The following XPO6 variants were observed in gnomAD, a reference collection of about 807,000 sequenced individuals.
XPO6 encodes the protein exportin-6.
XPO6 carries 3 observed loss-of-function variants against 130.0 expected under a neutral mutation model. That is an observed-to-expected ratio of 0.02 (90% CI 0.01 to 0.06). XPO6 has a LOEUF of 0.06. XPO6 is among the 10% of genes least tolerant of loss of function. The probability of loss-of-function intolerance (pLI) is 1.00; values close to 1 mark genes in which losing one functional copy is unlikely to be tolerated. For synonymous variants in XPO6, 524 were observed against 548.9 expected (o/e 0.95, Z 0.63); for missense variants, 970 against 1,393.0 (o/e 0.70, Z 4.83).
chr16:28,143,705 T>C (rs2042935191), intron 9 of XPO6, among the ~76,000 whole-genome samples: 1 of 152,158 alleles, frequency 6.6e-6, no homozygotes, highest in African/African-American at 2.4e-5. Flanking sequence ...GGTATGATCT[T>C]GGCTCACTGC....
intron 14 of XPO6, among the ~76,000 whole-genome samples, chr16:28,119,764 A>C (rs2087179550): frequency 6.6e-6 from 1 of 152,222 alleles, no homozygotes; most frequent in African/African-American, 2.4e-5. Context: ...AGGGTTGATA[A>C]TGATATCATA....
Position 28,186,374 on chromosome 16 carries a change from C to CTTTTTTTTTTTTTTTTTTTTTTT in XPO6, c.4-5344_4-5343insAAAAAAAAAAAAAAAAAAAAAAA, listed in dbSNP as rs60754642. 3.2e-3 allele frequency among the ~76,000 whole-genome samples: 263 copies of CTTTTTTTTTTTTTTTTTTTTTTT among 81,418 alleles called. 64 individuals carry two copies. Among genetic ancestry groups the CTTTTTTTTTTTTTTTTTTTTTTT allele is most frequent in the African/African-American group, 0.011 (165 of 15,254 alleles). The allele number at this position is 81,418 out of a possible 152,430, so 53.4% of individuals were successfully genotyped here. A position where few individuals can be genotyped will look rare whatever the true frequency, so the allele number is the denominator to read the frequency against. On this transcript the variant is annotated intron_variant, in intron 1 of 23. Coordinates refer to ENST00000304658, the MANE Select transcript of XPO6 (RefSeq NM_015171.4). ...TATAGATTTTTCTGCCCCAGTTATTCTTTTTTTTTTTTTTTTTGCTAAAGA... is the reference window on the plus strand; with the variant it reads ...TATAGATTTTTCTGCCCCAGTTATTCTTTTTTTTTTTTTTTTTTTTTTTTTTTTTTTTTTTTTTTTGCTAAAGA...
At chr16:28,179,959 A>G (rs187934562) in intron 2 of XPO6, among the ~76,000 whole-genome samples, 1 of 152,384 alleles carries the variant, frequency 6.6e-6, no homozygotes, top group Admixed American at 6.5e-5. Context: ...CGTTTAATTC[A>G]TGAAATAGAA....
At chr16:28,146,365 C>A in intron 8 of XPO6, 162 bp from the exon 9 acceptor site, 2 of 605,900 alleles carry the variant, frequency 3.3e-6, no homozygotes, top group Admixed American at 2.9e-5. Flanking sequence ...CGGTCTATAC[C>A]ATTGGGCCCT....
Position 28,117,410 on chromosome 16 carries a change from A to T in XPO6, c.1912T>A (p.Tyr638Asn). The T allele has an allele frequency of 1.2e-6, 2 of 1,614,206 alleles. No homozygotes were observed. Among genetic ancestry groups the T allele is most frequent in the South Asian group, 2.2e-5 (2 of 91,092 alleles). ...TTCTGCCGGTGAACTTCACTGCAAT[A>T]CTGTGCTAACCAGTGAGAGTAAGCC... ...LQAYSHWLAQ[Y>N]CSEVHRQNTQ... The change falls in exon 15 of 24, where the codon TAT (tyrosine) becomes AAT (asparagine). Residue 638 changes from tyrosine (Y) to asparagine (N), a missense_variant. Around this residue, in one of 4 missense-constraint regions of XPO6, gnomAD observed 936 missense variants for 1,306.8 expected, o/e 0.72. Coordinates refer to ENST00000304658, the MANE Select transcript of XPO6 (RefSeq NM_015171.4).
At chr16:28,107,918 C>A (rs1407278535) in intron 17 of XPO6, among the ~76,000 whole-genome samples, 3 of 152,142 alleles carry the variant, frequency 2.0e-5, no homozygotes, top group Non-Finnish European at 4.4e-5. Context: ...GGAGAAGATG[C>A]CTGCCTGCCT....
rs994807754 is a variant in XPO6, at chr16:28,199,753, C to T, written c.3+11613G>A. Among the ~76,000 whole-genome samples the T allele has an allele frequency of 5.3e-4, 80 of 151,818 alleles. 1 individual carries two copies. The highest frequency in any genetic ancestry group is 4.8e-3 in the Admixed American group (73 of 15,256). ...GGCTAATGGGTTTCACTTATGTTGG[C>T]CAGGCTGGTCTCGAACGCCTGACCT... On this transcript the variant is annotated intron_variant, in intron 1 of 23. Coordinates refer to ENST00000304658, the MANE Select transcript of XPO6 (RefSeq NM_015171.4).
intron 6 of XPO6, among the ~76,000 whole-genome samples, chr16:28,157,014 GAAGTA>G (rs1428444302): frequency 1.3e-5 from 2 of 152,038 alleles, no homozygotes; most frequent in Non-Finnish European, 2.9e-5. Flanking sequence ...GGCACCAAAT[GAAGTA>G]AAGACTTAAA....
At chr16:28,162,706 G>C (rs188412014) in intron 6 of XPO6, among the ~76,000 whole-genome samples, 7 of 151,700 alleles carry the variant, frequency 4.6e-5, no homozygotes, top group Non-Finnish European at 1.0e-4. Flanking sequence ...GGGACTACAG[G>C]CAGGAGCCAC....
At chr16:28,147,902 T>A (rs1361197141) in intron 8 of XPO6, among the ~76,000 whole-genome samples, 1 of 152,106 alleles carries the variant, frequency 6.6e-6, no homozygotes, top group African/African-American at 2.4e-5. Flanking sequence ...GCTGAGATCG[T>A]GCCACTGCAC....
intron 9 of XPO6, among the ~76,000 whole-genome samples, 199 bp downstream of exon 9, chr16:28,145,895 C>T (rs2042974132): frequency 6.6e-6 from 1 of 152,130 alleles, no homozygotes; most frequent in Middle Eastern, 3.4e-3. Context: ...ATTAGTAATA[C>T]ATATTACTTT....
chr16:28,157,455 CAAAAAAT>C (rs1217786712), intron 6 of XPO6, among the ~76,000 whole-genome samples: 2 of 151,216 alleles, frequency 1.3e-5, no homozygotes, highest in Non-Finnish European at 2.9e-5. Context: ...AACTCCATCT[CAAAAAAT>C]AAAAAATAAA....
intron 1 of XPO6, among the ~76,000 whole-genome samples, chr16:28,209,987 G>A (rs2141923774): frequency 6.6e-6 from 1 of 152,186 alleles, no homozygotes; most frequent in Admixed American, 6.6e-5. Flanking sequence ...AAATTAGCCA[G>A]GCATGGTGGC....
Position 28,101,247 on chromosome 16 carries a change from C to G in XPO6, c.3276+211G>C, listed in dbSNP as rs1263695367. 6.3e-6 allele frequency: 4 copies of G among 636,594 alleles called. No homozygotes were observed. Among genetic ancestry groups the G allele is most frequent in the Non-Finnish European group, 1.1e-5 (4 of 351,730 alleles). 39.4% of individuals were successfully genotyped at this position (636,594 alleles called of 1,614,324 possible). The stretch of plus-strand genomic sequence containing the variant: ...CTCCATGGCTGAGACTAAGAACATA[C>G]GTGCTACAGACACCAAGACTGGGGA... On this transcript the variant is annotated intron_variant, in intron 23 of 23. Coordinates refer to ENST00000304658, the MANE Select transcript of XPO6 (RefSeq NM_015171.4). The surrounding 1 kb of genome is among the most constrained non-coding windows in gnomAD (Gnocchi z 5.4).
chr16:28,123,202 A>T (rs2087289680), intron 13 of XPO6, among the ~76,000 whole-genome samples: 1 of 152,088 alleles, frequency 6.6e-6, no homozygotes, highest in Non-Finnish European at 1.5e-5. Context: ...TCTGGGGCTC[A>T]AGTGATCCTC....
intron 14 of XPO6, among the ~76,000 whole-genome samples, chr16:28,119,811 A>C (rs890322650): frequency 2.0e-5 from 3 of 152,204 alleles, no homozygotes; most frequent in Non-Finnish European, 2.9e-5. Context: ...TAGGATACAC[A>C]CACTGAAGGA....
chr16:28,102,005 C>A (rs2086664459), intron 21 of XPO6, 60 bp from the exon 22 acceptor site: 3 of 1,441,064 alleles, frequency 2.1e-6, no homozygotes, highest in Non-Finnish European at 2.9e-6. Context: ...GAGCATCTAC[C>A]CCATGTCAGA....
At chr16:28,110,628 C>G (rs770164390) in intron 17 of XPO6, among the ~76,000 whole-genome samples, 13 of 152,232 alleles carry the variant, frequency 8.5e-5, no homozygotes, top group Non-Finnish European at 1.9e-4. Flanking sequence ...GAGACCATTA[C>G]ACGTGATAAA....
intron 2 of XPO6, among the ~76,000 whole-genome samples, chr16:28,180,314 G>A (rs1395279353): frequency 2.6e-5 from 4 of 152,188 alleles, no homozygotes; most frequent in Non-Finnish European, 5.9e-5. Context: ...GCAGTGAGCC[G>A]AGATCGCCCC....
Sources: gnomAD v4.1 joint callset for allele counts (sites outside exome capture counted in the v4.1 genomes callset) on GRCh38, gnomAD v4.1.1 for gene constraint, gnomAD v4.1.1 regional missense constraint, Gnocchi (gnomAD v3.1) non-coding constraint, MANE v1.5 for transcripts, NCBI Gene and HGNC (gene_info 2026-07-23, HGNC 2026-07-21) for gene names.